Variants in TG observed in about 807,000 individuals in gnomAD.
TG encodes thyroid hormones.
Under a neutral mutation model 324.7 loss-of-function variants are expected in TG, and 270 were observed. The ratio of observed to expected loss-of-function variants is 0.83; its 90% CI spans 0.75 to 0.92. The LOEUF (loss-of-function observed/expected upper bound fraction) is 0.92, where lower values mean the gene tolerates loss of function less well. TG is among the 40% of genes least tolerant of loss of function. The probability of loss-of-function intolerance (pLI) is 0.00; values close to 1 mark genes in which losing one functional copy is unlikely to be tolerated. For synonymous variants in TG, 1,401 were observed against 1,327.0 expected, an observed-to-expected ratio of 1.06 and a Z score of -1.21; for missense variants, 3,591 against 3,456.4, an observed-to-expected ratio of 1.04 and a Z score of -0.98.
intron 34 of TG, among the ~76,000 whole-genome samples, chr8:132,977,976 T>C (rs1157274401): frequency 6.6e-6 from 1 of 152,230 alleles, no homozygotes; most frequent in Non-Finnish European, 1.5e-5. Flanking sequence ...AGGAGACAGA[T>C]GTTAAAGAAA....
Position 132,990,841 on chromosome 8 carries a change from C to A in TG, c.6262+7429C>A, listed in dbSNP as rs984206720. Among the ~76,000 whole-genome samples, 8 of 152,084 alleles carry A rather than the reference C, an allele frequency of 5.3e-5. No individual in the cohort carries two copies. The East Asian group carries it at 1.5e-3, about 29-fold the overall frequency. On this transcript the variant is annotated intron_variant, in intron 35 of 47. Coordinates refer to ENST00000220616, the MANE Select transcript of TG (RefSeq NM_003235.5). ...CCCGGATGTAAACCCAGAGTCTCCC[C>A]GCGAAGATGGTGGCTGTCGCTGCTC...
chr8:132,940,508 T>G (rs921549931), intron 25 of TG, among the ~76,000 whole-genome samples: 2 of 152,222 alleles, frequency 1.3e-5, no homozygotes, highest in African/African-American at 4.8e-5. Context: ...ACAATTCTAC[T>G]TAAAAATGCT....
intron 16 of TG, among the ~76,000 whole-genome samples, chr8:132,903,313 T>A (rs1249647713): frequency 6.6e-6 from 1 of 152,194 alleles, no homozygotes; most frequent in Non-Finnish European, 1.5e-5. Context: ...GCTCACTTGC[T>A]CTTCTGACGC....
At chr8:132,934,069 G>A (rs964183240) in intron 24 of TG, among the ~76,000 whole-genome samples, 6 of 151,992 alleles carry the variant, frequency 3.9e-5, no homozygotes, top group South Asian at 4.2e-4. Flanking sequence ...ACGGTGGCTC[G>A]CATCTGTAAT....
In TG at chr8:132,887,081, C is replaced by T; in HGVS notation, c.1709C>T (p.Ser570Phe). 1 of 1,614,212 alleles carries T rather than the reference C, an allele frequency of 6.2e-7. No homozygotes were observed. The highest frequency in any genetic ancestry group is 8.5e-7 in the Non-Finnish European group (1 of 1,180,044). ...ENQNALKFLASLLELPEFLLF... is the reference protein window; with the variant it reads ...ENQNALKFLAFLLELPEFLLF... Reference sequence around the variant, plus strand: ...CAAAATGCCCTCAAATTCCTTGCTTCTCTCCTGGAGCTTCCAGAATTCCTT... The same window carrying T: ...CAAAATGCCCTCAAATTCCTTGCTTTTCTCCTGGAGCTTCCAGAATTCCTT... Residue 570 changes from serine (S) to phenylalanine (F), a missense_variant, in exon 9 of 48, where the codon TCT becomes TTT. By Grantham distance (155) the Ser-to-Phe change is radical (BLOSUM62 -2). Transcript: ENST00000220616.
intron 41 of TG, among the ~76,000 whole-genome samples, chr8:133,030,666 G>T (rs574036849): frequency 6.6e-6 from 1 of 152,334 alleles, no homozygotes; most frequent in South Asian, 2.1e-4. Flanking sequence ...GTCATTACTG[G>T]GGGTTGAGGG....
At chr8:132,940,607 G>A (rs999889360) in intron 25 of TG, among the ~76,000 whole-genome samples, 9 of 152,232 alleles carry the variant, frequency 5.9e-5, no homozygotes, top group Admixed American at 1.3e-4. Flanking sequence ...TGGGGAGGGT[G>A]TAAGGAAGGG....
Position 133,021,981 on chromosome 8 carries a change from A to G in TG, c.6877-10A>G, listed in dbSNP as rs1307230199. On this transcript the variant is annotated splice_polypyrimidine_tract_variant and intron_variant, in intron 39 of 47. Coordinates refer to ENST00000220616, the MANE Select transcript of TG (RefSeq NM_003235.5). The stretch of plus-strand genomic sequence containing the variant: ...CACACTTTAGCCTCATGTTTCTCCA[A>G]TACCCACAGGCCCCTAACGCGTCTG... 6.8e-6 allele frequency: 11 copies of G among 1,613,952 alleles called. No individual in the cohort carries two copies. The East Asian group carries it at 8.9e-5, about 13-fold the overall frequency.
intron 41 of TG, chr8:133,050,483 G>T (rs746022869): frequency 3.8e-6 from 1 of 261,548 alleles, no homozygotes; most frequent in Non-Finnish European, 7.3e-6. Flanking sequence ...GACCCTGGGG[G>T]CTGCCTTCCC....
intron 45 of TG, among the ~76,000 whole-genome samples, chr8:133,126,090 G>A (rs1204654399): frequency 6.6e-6 from 1 of 152,142 alleles, no homozygotes; most frequent in Non-Finnish European, 1.5e-5. Flanking sequence ...AGTAAGATAG[G>A]TGTGATGCCT....
chr8:133,002,007 C>T (rs1833560028), intron 35 of TG: 1 of 985,330 alleles, frequency 1.0e-6, no homozygotes, highest in African/African-American at 1.7e-5. Flanking sequence ...ATGCCTTGGA[C>T]TCACTGTTTA....
At position 132,933,883 on chromosome 8, in the gene TG, G is replaced by A. The variant is rs1823165641; in HGVS notation, c.4932+207G>A. Among the ~76,000 whole-genome samples the A allele has an allele frequency of 1.3e-5, 2 of 152,162 alleles. 1 individual carries two copies. The highest frequency in any genetic ancestry group is 2.9e-5 in the Non-Finnish European group (2 of 68,034). ...CAGACCCAAGATGAAGCTGGAGTAA[G>A]GGGCGTCTGCTTGAGCCTTGTGGCT... On this transcript the variant is annotated intron_variant, in intron 24 of 47. Transcript: ENST00000220616.
At chr8:133,112,344 C>T (rs1850323455) in intron 43 of TG, among the ~76,000 whole-genome samples, 1 of 152,224 alleles carries the variant, frequency 6.6e-6, no homozygotes, top group Non-Finnish European at 1.5e-5. Flanking sequence ...AAACACATAG[C>T]ACAGGACTGT....
At chr8:132,912,914 TA>T in intron 19 of TG, 132 bp from the exon 20 acceptor site, 1 of 892,540 alleles carries the variant, frequency 1.1e-6, no homozygotes, top group Non-Finnish European at 1.8e-6. Context: ...CCTCCCTCTG[TA>T]AAATGAGACA....
intron 35 of TG, among the ~76,000 whole-genome samples, chr8:132,998,683 G>A (rs1422251955): frequency 6.6e-6 from 1 of 152,248 alleles, no homozygotes; most frequent in Non-Finnish European, 1.5e-5. Context: ...GTGGGCTAAA[G>A]TGTGAATGTG....
At chr8:132,933,761 G>A (rs1823149614) in intron 24 of TG, 85 bp downstream of exon 24, 1 of 1,258,092 alleles carries the variant, frequency 7.9e-7, no homozygotes, top group African/African-American at 1.5e-5. Context: ...AGGCTGGCCA[G>A]GCGATGGAAT....
chr8:132,887,375 G>T lies in TG; in HGVS notation c.2003G>T (p.Arg668Leu), dbSNP rs759691560. The change falls in exon 9 of 48, where the codon CGC becomes CTC. Residue 668 changes from arginine to leucine, a missense_variant. Arg to Leu is a moderately radical substitution (Grantham distance 102). Transcript: ENST00000220616. Reference sequence around the variant, plus strand: ...ACAGACTGTGAAAAGCAAAGGGCTCGCATGCAAAGCCTCATGGGCAGCCAG... The same window carrying T: ...ACAGACTGTGAAAAGCAAAGGGCTCTCATGCAAAGCCTCATGGGCAGCCAG... ...CPTDCEKQRA[R>L]MQSLMGSQPA... The T allele has an allele frequency of 3.7e-6, 6 of 1,614,154 alleles. No homozygotes were observed. The highest frequency in any genetic ancestry group is 4.2e-6 in the Non-Finnish European group (5 of 1,180,012).
chr8:132,960,225 G>T (rs1057153091), intron 27 of TG, among the ~76,000 whole-genome samples: 1 of 152,068 alleles, frequency 6.6e-6, no homozygotes, highest in African/African-American at 2.4e-5. Context: ...TTAAATAAAG[G>T]TATAAAAAGA....
At chr8:133,027,459 T>C (rs1836206246) in intron 40 of TG, among the ~76,000 whole-genome samples, 1 of 151,738 alleles carries the variant, frequency 6.6e-6, no homozygotes, top group African/African-American at 2.4e-5. Context: ...GTGGTATGAC[T>C]GAGTGAGGTG....
Sources: allele counts gnomAD v4.1 joint callset (sites outside exome capture counted in the v4.1 genomes callset), GRCh38; gene constraint gnomAD v4.1.1; transcripts MANE v1.5; gene names NCBI Gene and HGNC (gene_info 2026-07-23, HGNC 2026-07-21).